The following MMP26 variants were observed in gnomAD, a reference collection of about 807,000 sequenced individuals.
The protein encoded by MMP26 is matrix metallopeptidase 26.
In MMP26, 33 loss-of-function variants were observed where a neutral mutation model predicts 31.0. The observed-to-expected ratio is 1.06, with a 90% CI of 0.81 to 1.42. The LOEUF (loss-of-function observed/expected upper bound fraction) is 1.42. Ranked by LOEUF, MMP26 falls within the 40% of genes most tolerant of loss-of-function variation. The pLI is 0.00. For synonymous variants in MMP26, 122 were observed against 114.9 expected (o/e 1.06, Z -0.40); for missense variants, 347 against 316.1 (o/e 1.10, Z -0.74).
intron 1 of MMP26, among the ~76,000 whole-genome samples, chr11:4,738,860 C>T (rs72868707): frequency 6.6e-6 from 1 of 152,010 alleles, no homozygotes; most frequent in Non-Finnish European, 1.5e-5. Flanking sequence ...ATATATGTAG[C>T]CTTTTAAGGA....
At chr11:4,923,060 A>C (rs986428031) in intron 2 of MMP26, among the ~76,000 whole-genome samples, 9 of 152,228 alleles carry the variant, frequency 5.9e-5, no homozygotes, top group Non-Finnish European at 2.9e-5. Flanking sequence ...GATTTTGTCC[A>C]ATCATAATGG....
At chr11:4,977,571 C>A (rs2133637634) in intron 2 of MMP26, among the ~76,000 whole-genome samples, 2 of 152,226 alleles carry the variant, frequency 1.3e-5, no homozygotes, top group Middle Eastern at 6.8e-3. Flanking sequence ...TCAGTTCTGG[C>A]AGAATAAGAA....
chr11:4,796,688 T>C (rs1007677271), intron 2 of MMP26, among the ~76,000 whole-genome samples: 9 of 152,152 alleles, frequency 5.9e-5, no homozygotes, highest in African/African-American at 2.2e-4. Context: ...ACAAAGTTGC[T>C]TGGGCAGGGA....
chr11:4,748,635 G>T (rs925938409), intron 1 of MMP26, among the ~76,000 whole-genome samples: 2 of 148,064 alleles, frequency 1.4e-5, no homozygotes, highest in African/African-American at 2.5e-5. Context: ...CAAGGATGTC[G>T]CAACGTAGGC....
At chr11:4,788,404 C>T (rs1848977592) in intron 2 of MMP26, among the ~76,000 whole-genome samples, 1 of 151,832 alleles carries the variant, frequency 6.6e-6, no homozygotes, top group Non-Finnish European at 1.5e-5. Context: ...TGTGATGCTA[C>T]CACATGCACA....
chr11:4,841,310 T>C (rs1240425284), intron 2 of MMP26, among the ~76,000 whole-genome samples: 1 of 152,008 alleles, frequency 6.6e-6, no homozygotes, highest in Non-Finnish European at 1.5e-5. Context: ...AATATAAAAG[T>C]ACAAGAAGGT....
At chr11:4,732,736 C>CT in intron 1 of MMP26, among the ~76,000 whole-genome samples, 1 of 152,192 alleles carries the variant, frequency 6.6e-6, no homozygotes, top group East Asian at 1.9e-4. Flanking sequence ...TTGTGACTGG[C>CT]TTTTTTCATT....
chr11:4,987,502 T>C (rs1399842402), intron 2 of MMP26, among the ~76,000 whole-genome samples: 2 of 152,096 alleles, frequency 1.3e-5, no homozygotes, highest in Non-Finnish European at 2.9e-5. Context: ...CACTGCAAGC[T>C]CCGCCTCCCG....
In MMP26 at chr11:4,769,112, G is replaced by A. The variant is rs755218559; in HGVS notation, c.-145+1771G>A. ...CACTGAATGGACTACTCTGGGGGCT[G>A]ACCGACCATAGCGATACACCAAGGA... On this transcript the variant is annotated intron_variant, in intron 2 of 7. Transcript: ENST00000380390. 1.9e-6 allele frequency: 3 copies of A among 1,602,574 alleles called. No individual in the cohort carries two copies. The African/African-American group carries it at 4.0e-5, about 21-fold the overall frequency.
At chr11:4,738,499 C>T (rs1272741817) in intron 1 of MMP26, among the ~76,000 whole-genome samples, 3 of 152,242 alleles carry the variant, frequency 2.0e-5, no homozygotes, top group Admixed American at 1.3e-4. Flanking sequence ...ATTTGTCCAT[C>T]TACAGGGCCT....
chr11:4,875,426 G>A (rs1053115976), intron 2 of MMP26: 1 of 152,098 alleles, frequency 6.6e-6, no homozygotes, highest in Admixed American at 6.6e-5. Flanking sequence ...TAGATCAGAA[G>A]TCCAAATTGG....
chr11:4,938,266 T>C (rs749140209), intron 2 of MMP26: 1 of 152,126 alleles, frequency 6.6e-6, no homozygotes, highest in Non-Finnish European at 1.5e-5. Context: ...TCTAAGGACT[T>C]CCATTTTTGT....
chr11:4,792,629 T>G (rs1849044311), intron 2 of MMP26, among the ~76,000 whole-genome samples: 1 of 152,152 alleles, frequency 6.6e-6, no homozygotes, highest in African/African-American at 2.4e-5. Context: ...CAATAGTACT[T>G]GGGTCATTAG....
At chr11:4,784,529 GAC>G (rs1848908699) in intron 2 of MMP26, among the ~76,000 whole-genome samples, 1 of 152,202 alleles carries the variant, frequency 6.6e-6, no homozygotes, top group Admixed American at 6.5e-5. Flanking sequence ...CCTTTTAAGA[GAC>G]AGAAAAGGAG....
At chr11:4,869,872 C>T (rs1850287709) in intron 2 of MMP26, among the ~76,000 whole-genome samples, 1 of 152,102 alleles carries the variant, frequency 6.6e-6, no homozygotes, top group Non-Finnish European at 1.5e-5. Context: ...TATATATACA[C>T]CAGGGAATAC....
At chr11:4,718,262 T>G (rs1030443539) in intron 1 of MMP26, among the ~76,000 whole-genome samples, 2 of 152,224 alleles carry the variant, frequency 1.3e-5, no homozygotes, top group Non-Finnish European at 1.5e-5. Flanking sequence ...TTGTCTAAAA[T>G]ATCATACAAC....
intron 2 of MMP26, among the ~76,000 whole-genome samples, chr11:4,900,135 G>A (rs75850941): frequency 6.6e-6 from 1 of 152,272 alleles, no homozygotes; most frequent in Non-Finnish European, 1.5e-5. Context: ...AAGCTTTTGA[G>A]TGGTGTAGCC....
chr11:4,836,716 G>T (rs1270311533), intron 2 of MMP26, among the ~76,000 whole-genome samples: 2 of 131,464 alleles, frequency 1.5e-5, no homozygotes, highest in African/African-American at 5.9e-5. Flanking sequence ...CTGGAATGCA[G>T]TGGTGCAATC....
intron 2 of MMP26, among the ~76,000 whole-genome samples, chr11:4,835,892 T>C (rs996395878): frequency 1.3e-5 from 2 of 152,272 alleles, no homozygotes; most frequent in East Asian, 1.9e-4. Flanking sequence ...TTATTGAATA[T>C]CTCTATGTTC....
Sources: gnomAD v4.1 joint callset for allele counts (sites outside exome capture counted in the v4.1 genomes callset) on GRCh38, gnomAD v4.1.1 for gene constraint, MANE v1.5 for transcripts, NCBI Gene and HGNC (gene_info 2026-07-23, HGNC 2026-07-21) for gene names.